CLVS1: variants seen among roughly 807,000 people sequenced by gnomAD.
The protein encoded by CLVS1 is clavesin-1.
CLVS1 carries 10 observed loss-of-function variants against 33.1 expected under a neutral mutation model. The ratio of observed to expected loss-of-function variants is 0.30; its 90% confidence interval spans 0.19 to 0.51. CLVS1 has a LOEUF of 0.51. Among genes scored for constraint, CLVS1 ranks in the 20% least tolerant of loss-of-function variants. The probability of loss-of-function intolerance (pLI) is 0.97; values close to 1 mark genes in which losing one functional copy is unlikely to be tolerated. For missense variants in CLVS1, 343 were observed against 433.4 expected (o/e 0.79, Z 1.85); for synonymous variants, 163 against 166.1 (o/e 0.98, Z 0.14).
chr8:61,121,155 C>A (rs1419093960), intron 1 of CLVS1, among the ~76,000 whole-genome samples: 3 of 151,948 alleles, frequency 2.0e-5, no homozygotes, highest in African/African-American at 4.8e-5. Context: ...GTCAGTCACC[C>A]CTTTCTTTGA....
At chr8:61,043,376 T>C in the CLVS1 span, among the ~76,000 whole-genome samples, 1 of 152,230 alleles carries the variant, frequency 6.6e-6, no homozygotes, top group Non-Finnish European at 1.5e-5. Context: ...CTACACTAAC[T>C]GACACATGAC....
chr8:61,074,175 A>G (rs1804856683), intron 1 of CLVS1, among the ~76,000 whole-genome samples: 1 of 150,898 alleles, frequency 6.6e-6, no homozygotes, highest in Non-Finnish European at 1.5e-5. Context: ...TTGTCTCTGC[A>G]AAAAATGCAA....
At chr8:61,142,695 T>A (rs1806329738) in intron 2 of CLVS1, among the ~76,000 whole-genome samples, 1 of 152,186 alleles carries the variant, frequency 6.6e-6, no homozygotes, top group African/African-American at 2.4e-5. Flanking sequence ...AAAACAGGCT[T>A]CTCATGCTTG....
At chr8:61,160,561 A>G (rs1006327129) in intron 2 of CLVS1, among the ~76,000 whole-genome samples, 1 of 152,102 alleles carries the variant, frequency 6.6e-6, no homozygotes, top group African/African-American at 2.4e-5. Context: ...GAGTATCCCC[A>G]CCTACCCTTT....
intron 2 of CLVS1, among the ~76,000 whole-genome samples, chr8:61,265,729 C>G (rs1380732990): frequency 6.6e-6 from 1 of 152,204 alleles, no homozygotes; most frequent in Non-Finnish European, 1.5e-5. Flanking sequence ...TCCACTTACC[C>G]TCTGTTACTA....
At chr8:61,436,662 A>G (rs925331245) in intron 3 of CLVS1, among the ~76,000 whole-genome samples, 1 of 152,144 alleles carries the variant, frequency 6.6e-6, no homozygotes, top group African/African-American at 2.4e-5. Context: ...CTGCCCTTAA[A>G]ACACTGGCAA....
intron 2 of CLVS1, among the ~76,000 whole-genome samples, chr8:61,375,370 C>A (rs1011283347): frequency 9.2e-5 from 14 of 151,916 alleles, no homozygotes; most frequent in African/African-American, 3.4e-4. Context: ...CCTGCCTCAG[C>A]CTCCCAAGTA....
At chr8:61,234,807 C>T (rs1333647717) in intron 2 of CLVS1, among the ~76,000 whole-genome samples, 2 of 152,104 alleles carry the variant, frequency 1.3e-5, no homozygotes, top group Non-Finnish European at 2.9e-5. Context: ...TGGGGATGCT[C>T]AGAGCTCACA....
chr8:61,276,726 C>A (rs1456913715), intron 2 of CLVS1, among the ~76,000 whole-genome samples: 2 of 152,126 alleles, frequency 1.3e-5, no homozygotes, highest in Non-Finnish European at 2.9e-5. Flanking sequence ...TAAAATGATA[C>A]AAGATAATAG....
chr8:61,452,951 A>G (rs368527147), intron 3 of CLVS1, among the ~76,000 whole-genome samples: 22 of 152,326 alleles, frequency 1.4e-4, no homozygotes, highest in East Asian at 1.4e-3. Context: ...GCTCTGAAAA[A>G]AAGTTAATAA....
chr8:61,353,618 G>A (rs115875046), intron 2 of CLVS1, among the ~76,000 whole-genome samples: 2,475 of 151,686 alleles, frequency 0.016, 58 homozygotes, highest in African/African-American at 0.056. Context: ...GAAACAATAT[G>A]AGATGTTGAT....
At chr8:61,030,551 C>G in the CLVS1 span, among the ~76,000 whole-genome samples, 3 of 152,188 alleles carry the variant, frequency 2.0e-5, no homozygotes, top group African/African-American at 7.2e-5. Context: ...CTGGGCAAAG[C>G]TCAGTCTCCT....
At chr8:61,308,873 C>G (rs1269227409) in intron 2 of CLVS1, among the ~76,000 whole-genome samples, 3 of 152,200 alleles carry the variant, frequency 2.0e-5, no homozygotes, top group Non-Finnish European at 4.4e-5. Flanking sequence ...ACTATGCTTT[C>G]CCACTAAGTC....
upstream of CLVS1, among the ~76,000 whole-genome samples, chr8:61,054,688 G>A (rs1407778082): frequency 1.3e-5 from 2 of 151,944 alleles, no homozygotes; most frequent in Admixed American, 1.3e-4. Flanking sequence ...AAAAAGGAAA[G>A]TACTTTGTAC....
intron 5 of CLVS1, among the ~76,000 whole-genome samples, chr8:61,481,580 C>G (rs1285141718): frequency 1.3e-5 from 2 of 152,218 alleles, no homozygotes. Context: ...GGTCCCACAC[C>G]CACAGAGCCT....
chr8:61,481,794 C>T (rs1181855254), intron 5 of CLVS1, among the ~76,000 whole-genome samples: 3 of 152,218 alleles, frequency 2.0e-5, no homozygotes, highest in Non-Finnish European at 4.4e-5. Flanking sequence ...GAATAAAATG[C>T]AGCAGAAACT....
intron 2 of CLVS1, among the ~76,000 whole-genome samples, chr8:61,212,918 G>A (rs1022947837): frequency 7.9e-5 from 12 of 152,048 alleles, no homozygotes; most frequent in Non-Finnish European, 1.8e-4. Flanking sequence ...TGCCAGTGTC[G>A]GGGACAGGTG....
chr8:61,107,050 C>T (rs1451100935), intron 1 of CLVS1, among the ~76,000 whole-genome samples: 2 of 152,148 alleles, frequency 1.3e-5, no homozygotes, highest in African/African-American at 2.4e-5. Flanking sequence ...TGCCATTCTC[C>T]TCTCTCCCAT....
intron 5 of CLVS1, among the ~76,000 whole-genome samples, chr8:61,491,386 A>C (rs559707450): frequency 1.0e-3 from 157 of 152,274 alleles, no homozygotes; most frequent in African/African-American, 3.6e-3. Context: ...CAGTGCTCTT[A>C]GTTTATCTAC....
Sources: allele counts gnomAD v4.1 joint callset (sites outside exome capture counted in the v4.1 genomes callset), GRCh38; gene constraint gnomAD v4.1.1; transcripts MANE v1.5; gene names NCBI Gene and HGNC (gene_info 2026-07-23, HGNC 2026-07-21).